PCED1B: variants seen among roughly 807,000 people sequenced by gnomAD.
PCED1B encodes the protein PC-esterase domain-containing protein 1B.
For missense variants in PCED1B, 573 were observed against 573.9 expected (o/e 1.00, Z 0.02); for synonymous variants, 251 against 246.1 (o/e 1.02, Z -0.19).
chr12:47,115,827 A>T (rs573635433), intron 2 of PCED1B, among the ~76,000 whole-genome samples: 2 of 152,242 alleles, frequency 1.3e-5, no homozygotes, highest in Non-Finnish European at 2.9e-5. Context: ...TTTAATATGC[A>T]CAATGAAAAA....
chr12:47,183,431 G>A (rs1015531821), intron 2 of PCED1B, among the ~76,000 whole-genome samples: 4 of 152,152 alleles, frequency 2.6e-5, no homozygotes, highest in African/African-American at 9.7e-5. Context: ...TGCTCTGTGG[G>A]ACACTTAAAT....
intron 2 of PCED1B, among the ~76,000 whole-genome samples, chr12:47,187,514 A>G (rs1190963961): frequency 1.3e-5 from 2 of 152,236 alleles, no homozygotes; most frequent in Non-Finnish European, 2.9e-5. Context: ...ATAGTAAGAC[A>G]TATTTTTAAT....
chr12:47,236,117 C>A lies in PCED1B; in HGVS notation c.1054C>A (p.Gln352Lys), dbSNP rs761223135. The A allele has an allele frequency of 3.7e-5, 59 of 1,614,014 alleles. No homozygotes were observed. The South Asian group carries it at 6.5e-4, about 18-fold the overall frequency. ...FSSDHTFQSD[Q>K]FYCHSDVPSS... ...CTCAGACCATACTTTCCAGTCGGAT[C>A]AATTCTATTGCCATTCAGATGTCCC... is the stretch of plus-strand genomic sequence containing the variant. Residue 352 changes from glutamine to lysine, a missense_variant, in exon 4 of 4, where the codon CAA (glutamine) becomes AAA (lysine). Transcript: ENST00000546455.
chr12:47,135,616 C>G, intron 2 of PCED1B: 1 of 500,036 alleles, frequency 2.0e-6, no homozygotes, highest in South Asian at 1.6e-5. Flanking sequence ...AGTCAGGTCA[C>G]CAACCATCTT....
chr12:47,129,028 A>T (rs1940009891), intron 2 of PCED1B, among the ~76,000 whole-genome samples: 1 of 152,196 alleles, frequency 6.6e-6, no homozygotes, highest in African/African-American at 2.4e-5. Flanking sequence ...CATCTCTGCT[A>T]TCATTAAAAC....
chr12:47,117,273 G>C (rs895720238), intron 2 of PCED1B, among the ~76,000 whole-genome samples: 3 of 152,120 alleles, frequency 2.0e-5, no homozygotes, highest in South Asian at 2.1e-4. Context: ...ATGTATACAT[G>C]TGCCATGTTG....
intron 2 of PCED1B, among the ~76,000 whole-genome samples, chr12:47,152,217 T>C (rs538833074): frequency 3.3e-5 from 5 of 152,300 alleles, no homozygotes; most frequent in African/African-American, 9.6e-5. Context: ...CACAAGATAC[T>C]TTTTAGTTAC....
At chr12:47,233,984 G>C (rs1256361750) in intron 3 of PCED1B, among the ~76,000 whole-genome samples, 1 of 151,398 alleles carries the variant, frequency 6.6e-6, no homozygotes, top group East Asian at 1.9e-4. Context: ...TTTTTGTTTT[G>C]TTTTTTGTTT....
intron 1 of PCED1B, among the ~76,000 whole-genome samples, chr12:47,095,122 G>T (rs747538128): frequency 1.3e-5 from 2 of 148,710 alleles, no homozygotes; most frequent in Non-Finnish European, 3.0e-5. Context: ...TGTTGCCTAG[G>T]CTGAGATTAT....
rs746927101 is a variant in PCED1B at position 47,235,974 on chromosome 12, G to A, written c.911G>A (p.Gly304Glu). 2 of 1,611,980 alleles carry A rather than the reference G, an allele frequency of 1.2e-6. No individual in the cohort carries two copies. The highest frequency in any genetic ancestry group is 4.5e-5 in the East Asian group (2 of 44,748). ...TCCCCCACATACCGCCCCCTGCTTG[G>A]GTTCCCACCCCAGCGCTTGCCGCTG... ...LPSPTYRPLL[G>E]FPPQRLPLLP... The change falls in exon 4 of 4, where the codon GGG becomes GAG. Residue 304 changes from glycine (G) to glutamate (E), a missense_variant. Physicochemically the swap from Gly to Glu is moderately conservative, Grantham distance 98. Coordinates refer to ENST00000546455, the MANE Select transcript of PCED1B (RefSeq NM_138371.3).
intron 2 of PCED1B, among the ~76,000 whole-genome samples, chr12:47,193,467 C>A (rs1313648120): frequency 6.6e-6 from 1 of 152,170 alleles, no homozygotes; most frequent in Non-Finnish European, 1.5e-5. Flanking sequence ...CCCCAACCCT[C>A]AATCACCATG....
chr12:47,115,296 C>G (rs1939367673), intron 2 of PCED1B, among the ~76,000 whole-genome samples: 1 of 152,148 alleles, frequency 6.6e-6, no homozygotes. Flanking sequence ...ATTAAACCAC[C>G]TTTGCATGGT....
chr12:47,086,503 A>G (rs1937992813), intron 1 of PCED1B, among the ~76,000 whole-genome samples: 1 of 152,128 alleles, frequency 6.6e-6, no homozygotes, highest in Non-Finnish European at 1.5e-5. Context: ...TTGCAAAAGG[A>G]TGATCTTTTT....
chr12:47,125,398 T>C (rs1337175701), intron 2 of PCED1B, among the ~76,000 whole-genome samples: 1 of 152,084 alleles, frequency 6.6e-6, no homozygotes, highest in Non-Finnish European at 1.5e-5. Flanking sequence ...GGCAATACCG[T>C]ACTATTTTGA....
intron 2 of PCED1B, among the ~76,000 whole-genome samples, chr12:47,160,387 A>T (rs1424441300): frequency 7.0e-6 from 1 of 143,234 alleles, no homozygotes; most frequent in Non-Finnish European, 1.5e-5. Context: ...GAAGCCTCGA[A>T]CACTTGGCCT....
chr12:47,165,439 A>G (rs1389364085), intron 2 of PCED1B, among the ~76,000 whole-genome samples: 1 of 152,224 alleles, frequency 6.6e-6, no homozygotes. Flanking sequence ...TAAAGAGTGA[A>G]TGTGCATGGG....
At chr12:47,179,136 A>G (rs1437660795) in intron 2 of PCED1B, among the ~76,000 whole-genome samples, 1 of 152,194 alleles carries the variant, frequency 6.6e-6, no homozygotes, top group East Asian at 1.9e-4. Flanking sequence ...TGAGGTTGCA[A>G]CCACAATTTA....
At chr12:47,124,269 TATA>T (rs755525852) in intron 2 of PCED1B, among the ~76,000 whole-genome samples, 134 of 152,148 alleles carry the variant, frequency 8.8e-4, no homozygotes, top group Non-Finnish European at 1.7e-3. Flanking sequence ...AATGGAATCA[TATA>T]ATATGTACTC....
At chr12:47,166,035 C>T (rs777958970) in intron 2 of PCED1B, among the ~76,000 whole-genome samples, 3 of 152,138 alleles carry the variant, frequency 2.0e-5, no homozygotes, top group Non-Finnish European at 4.4e-5. Context: ...CTTGATTAAA[C>T]GCTAGCATAG....
Sources: allele counts gnomAD v4.1 joint callset (sites outside exome capture counted in the v4.1 genomes callset), GRCh38; gene constraint gnomAD v4.1.1; transcripts MANE v1.5; gene names NCBI Gene and HGNC (gene_info 2026-07-23, HGNC 2026-07-21).